Variants in ZNF236 observed in about 807,000 individuals in gnomAD.
The protein encoded by ZNF236 is zinc finger protein 236, also known as regulated by glucose.
Under a neutral mutation model 191.2 loss-of-function variants are expected in ZNF236, and 50 were observed. The ratio of observed to expected loss-of-function variants is 0.26; its 90% CI spans 0.21 to 0.33. The LOEUF (loss-of-function observed/expected upper bound fraction) is 0.33. Ranked by LOEUF, ZNF236 falls within the 10% of genes least tolerant of loss-of-function variation. The pLI, the probability that ZNF236 is intolerant of heterozygous loss-of-function variation, is 1.00. For synonymous variants in ZNF236, 907 were observed against 928.8 expected, an observed-to-expected ratio of 0.98 and a Z score of 0.43; for missense variants, 1,754 against 2,374.5, an observed-to-expected ratio of 0.74 and a Z score of 5.43.
At chr18:76,839,773 G>C (rs1339849588) in intron 1 of ZNF236, among the ~76,000 whole-genome samples, 2 of 152,090 alleles carry the variant, frequency 1.3e-5, no homozygotes, top group Non-Finnish European at 2.9e-5. Flanking sequence ...GCGCTCTTTA[G>C]CTCTATTTAT....
chr18:76,924,615 C>T (rs1000762447), intron 21 of ZNF236, among the ~76,000 whole-genome samples: 1 of 152,192 alleles, frequency 6.6e-6, no homozygotes, highest in African/African-American at 2.4e-5. Flanking sequence ...TGCTCCGAGC[C>T]TTCGTGGCCT....
In ZNF236 at chr18:76,970,109, T is replaced by C. The variant is rs184510415; in HGVS notation, c.*1770T>C. On this transcript the variant is annotated 3_prime_UTR_variant, in exon 31 of 31. Coordinates refer to ENST00000320610, the MANE Select transcript of ZNF236 (RefSeq NM_001306089.2). ...TAAAGGTTCTGCTTTTAATGCACTT[T>C]TTATTTTATAATTTTGTATTGAAAT... 1.6e-4 allele frequency: 24 copies of C among 152,824 alleles called. No individual in the cohort carries two copies. Among genetic ancestry groups the C allele is most frequent in the Admixed American group, 1.5e-3 (23 of 15,304 alleles). 9.5% of individuals were successfully genotyped at this position (152,824 alleles called of 1,614,324 possible).
At chr18:76,950,400 C>T (rs746579403) in intron 27 of ZNF236, among the ~76,000 whole-genome samples, 2 of 152,216 alleles carry the variant, frequency 1.3e-5, no homozygotes, top group Admixed American at 6.5e-5. Context: ...TTTCTTTGCT[C>T]ATCCATAAGA....
intron 13 of ZNF236, among the ~76,000 whole-genome samples, chr18:76,907,194 G>A (rs1977766887): frequency 6.6e-6 from 1 of 152,184 alleles, no homozygotes; most frequent in African/African-American, 2.4e-5. Flanking sequence ...GTCTATTTTG[G>A]ATATTAGAAA....
intron 9 of ZNF236, among the ~76,000 whole-genome samples, chr18:76,884,727 T>C (rs1326873696): frequency 6.6e-6 from 1 of 152,194 alleles, no homozygotes; most frequent in Admixed American, 6.5e-5. Flanking sequence ...CTTAGACTCA[T>C]CTGCTTTTTG....
chr18:76,917,043 C>T (rs911055608), intron 19 of ZNF236, among the ~76,000 whole-genome samples: 2 of 152,174 alleles, frequency 1.3e-5, no homozygotes, highest in African/African-American at 4.8e-5. Context: ...TGCCTAAACT[C>T]CCTCAAAGTA....
chr18:76,887,960 TATA>T (rs1977106911), intron 9 of ZNF236: 1 of 151,778 alleles, frequency 6.6e-6, no homozygotes, highest in South Asian at 2.1e-4. Context: ...TTCTGATTTG[TATA>T]ATGATTATTT....
At chr18:76,842,744 T>G (rs942004398) in intron 1 of ZNF236, among the ~76,000 whole-genome samples, 5 of 150,884 alleles carry the variant, frequency 3.3e-5, no homozygotes, top group Admixed American at 1.3e-4. Flanking sequence ...AGAGTGAAAC[T>G]CTGTCTCAAA....
At chr18:76,916,611 A>C (rs1967370098) in intron 19 of ZNF236, among the ~76,000 whole-genome samples, 1 of 152,240 alleles carries the variant, frequency 6.6e-6, no homozygotes, top group Non-Finnish European at 1.5e-5. Flanking sequence ...AGGAAGTTCC[A>C]CGATGAAATT....
intron 27 of ZNF236, among the ~76,000 whole-genome samples, chr18:76,950,672 TC>T (rs1431443413): frequency 1.3e-5 from 2 of 152,260 alleles, no homozygotes; most frequent in African/African-American, 4.8e-5. Context: ...GGAATCAACT[TC>T]TTCCAAACTC....
intron 10 of ZNF236, among the ~76,000 whole-genome samples, chr18:76,897,513 C>A (rs539926029): frequency 6.6e-6 from 1 of 151,598 alleles, no homozygotes; most frequent in Admixed American, 6.6e-5. Context: ...CACAGTATTG[C>A]ACTTAGGTAC....
rs1387097585 is a variant in ZNF236, at chr18:76,895,003, C to T, written c.1418-10C>T. 6.2e-7 allele frequency: 1 copy of T among 1,607,232 alleles called. No individual in the cohort carries two copies. Among genetic ancestry groups the T allele is most frequent in the Admixed American group, 1.7e-5 (1 of 60,006 alleles). The stretch of plus-strand genomic sequence containing the variant: ...CCAGGCCAAGCGGGACGTGTCCTCT[C>T]CCTTCACAGGCTCCATCCGCGAGGA... On this transcript the variant is annotated splice_polypyrimidine_tract_variant and intron_variant, in intron 9 of 30. Transcript: ENST00000320610.
In ZNF236 at chr18:76,925,092, T is replaced by A; in HGVS notation, c.3662-97T>A. ...TCATTAAAGTACTTCCATCCACTGA[T>A]TCAACATATTTACATCCATAGTGAC... On this transcript the variant is annotated intron_variant, in intron 21 of 30. Transcript: ENST00000320610. This position sits in a 1 kb window ranked among gnomAD's most constrained non-coding sequence, Gnocchi z 5.7. 1.3e-6 allele frequency: 2 copies of A among 1,515,214 alleles called. No homozygotes were observed. The highest frequency in any genetic ancestry group is 1.8e-6 in the Non-Finnish European group (2 of 1,132,100). The allele number at this position is 1,515,214 out of a possible 1,614,324, so 93.9% of individuals were successfully genotyped here.
intron 17 of ZNF236, among the ~76,000 whole-genome samples, chr18:76,913,227 C>G (rs1300941623): frequency 6.6e-6 from 1 of 152,160 alleles, no homozygotes; most frequent in Admixed American, 6.5e-5. Context: ...TCAGTAACAA[C>G]TGAAGGGGAA....
Position 76,851,782 on chromosome 18 carries a change from G to A in ZNF236, c.206G>A (p.Arg69Gln). 9 of 1,611,666 alleles carry A rather than the reference G, an allele frequency of 5.6e-6. No individual in the cohort carries two copies. The highest frequency in any genetic ancestry group is 1.1e-5 in the South Asian group (1 of 90,228). The change falls in exon 3 of 31, where the codon CGA (arginine) becomes CAA (glutamine). Residue 69 changes from arginine to glutamine, a missense_variant. Coordinates refer to ENST00000320610, the MANE Select transcript of ZNF236 (RefSeq NM_001306089.2). ...ACTTTTCTCTCCAAATAGCCACATC[G>A]ATGTGACCAGTGCCCCCAAACATTT... ...RDHERNDKPH[R>Q]CDQCPQTFNV... is the part of the protein sequence containing the mutation.
At chr18:76,945,666 C>A (rs546976300) in intron 26 of ZNF236, among the ~76,000 whole-genome samples, 1 of 152,334 alleles carries the variant, frequency 6.6e-6, no homozygotes, top group African/African-American at 2.4e-5. Context: ...TGCCTGTAAT[C>A]CCAGCTACTT....
At position 76,970,572 on chromosome 18, in the gene ZNF236, T is replaced by C. The variant is rs536156233; in HGVS notation, c.*2233T>C. 6.5e-6 allele frequency: 1 copy of C among 152,796 alleles called. No individual in the cohort carries two copies. Among genetic ancestry groups the C allele is most frequent in the East Asian group, 1.9e-4 (1 of 5,192 alleles). The allele number at this position is 152,796 out of a possible 1,614,324, so 9.5% of individuals were successfully genotyped here. A position where few individuals can be genotyped will look rare whatever the true frequency, so the allele number is the denominator to read the frequency against. ...ATCTTTGTGGGGTACAGGTTGATCT[T>C]TATATTTTACTGGTTGTTTTAAAAA... On this transcript the variant is annotated 3_prime_UTR_variant, in exon 31 of 31. Transcript: ENST00000320610.
At chr18:76,856,105 C>G (rs1024189234) in intron 3 of ZNF236, among the ~76,000 whole-genome samples, 1 of 151,838 alleles carries the variant, frequency 6.6e-6, no homozygotes, top group Non-Finnish European at 1.5e-5. Flanking sequence ...TCAGGTCTCA[C>G]CATGTTGCCC....
At chr18:76,938,961 C>T (rs531547342) in intron 26 of ZNF236, among the ~76,000 whole-genome samples, 7 of 152,298 alleles carry the variant, frequency 4.6e-5, no homozygotes, top group East Asian at 1.9e-4. Context: ...CCTGCCCTTA[C>T]GCACCATCAA....
Sources: allele counts gnomAD v4.1 joint callset (sites outside exome capture counted in the v4.1 genomes callset), GRCh38; gene constraint gnomAD v4.1.1; non-coding constraint Gnocchi (gnomAD v3.1); transcripts MANE v1.5; gene names NCBI Gene and HGNC (gene_info 2026-07-23, HGNC 2026-07-21).